Variants in ANKRD30A observed in about 807,000 individuals in gnomAD.
ANKRD30A encodes ankyrin repeat domain-containing protein 30A.
A neutral mutation model predicts 166.3 loss-of-function variants in ANKRD30A; 170 were observed. The ratio of observed to expected loss-of-function variants is 1.02; its 90% CI spans 0.90 to 1.16. The LOEUF is 1.16. Ranked by LOEUF, ANKRD30A falls within the 50% of genes most tolerant of loss-of-function variation. The pLI is 0.00. For missense variants in ANKRD30A, 1,630 were observed against 1,518.0 expected (o/e 1.07, Z -1.23); for synonymous variants, 564 against 508.9 (o/e 1.11, Z -1.46).
chr10:37,153,571 G>C lies in ANKRD30A; in HGVS notation c.1708-1G>C. 6.2e-7 allele frequency: 1 copy of C among 1,611,590 alleles called. No individual in the cohort carries two copies. The highest frequency in any genetic ancestry group is 1.1e-5 in the South Asian group (1 of 90,728). ...TTATTTATTGCTATTACTTTTAACA[G>C]AGTCTCTGTGAGACTGTTTCACAGA... On this transcript the variant is annotated splice_acceptor_variant, in intron 12 of 35. Transcript: ENST00000361713. LOFTEE classifies it high-confidence loss of function.
chr10:37,131,657 A>G (rs1483622466), intron 3 of ANKRD30A, among the ~76,000 whole-genome samples: 3 of 152,206 alleles, frequency 2.0e-5, no homozygotes, highest in Admixed American at 1.3e-4. Flanking sequence ...GGAAGCTTTC[A>G]GAGTTGTATC....
At chr10:37,221,044 A>ATT (rs35150938) in intron 34 of ANKRD30A, among the ~76,000 whole-genome samples, 9,575 of 130,944 alleles carry the variant, frequency 0.073, 515 homozygotes, top group Non-Finnish European at 0.11. Context: ...TCCTTCCCAC[A>ATT]TTTTTTTTTT....
intron 24 of ANKRD30A, among the ~76,000 whole-genome samples, chr10:37,178,157 G>A (rs1375540730): frequency 4.6e-5 from 7 of 151,254 alleles, no homozygotes; most frequent in Non-Finnish European, 1.0e-4. Flanking sequence ...TTAGAAATTT[G>A]GGAAGAATAT....
intron 15 of ANKRD30A, among the ~76,000 whole-genome samples, chr10:37,160,556 T>C (rs1256972410): frequency 2.6e-5 from 4 of 152,208 alleles, no homozygotes; most frequent in Non-Finnish European, 5.9e-5. Context: ...AATGGGCTCT[T>C]GTATATGAAA....
At chr10:37,143,032 C>T (rs1837261080) in intron 7 of ANKRD30A, among the ~76,000 whole-genome samples, 1 of 152,184 alleles carries the variant, frequency 6.6e-6, no homozygotes, top group Non-Finnish European at 1.5e-5. Flanking sequence ...CTTCCTGTAA[C>T]ATTTTATTGG....
chr10:37,134,157 C>G, intron 5 of ANKRD30A, 104 bp downstream of exon 5: 1 of 1,353,434 alleles, frequency 7.4e-7, no homozygotes, highest in South Asian at 1.3e-5. Context: ...AGGCAAAAAG[C>G]TAGACTAGTT....
At chr10:37,246,941 C>T in the ANKRD30A span, among the ~76,000 whole-genome samples, 2 of 152,100 alleles carry the variant, frequency 1.3e-5, no homozygotes, top group Admixed American at 1.3e-4. Context: ...TGCCCAGAGC[C>T]CAGGCACAGT....
At chr10:37,217,649 T>C (rs777868639) in intron 32 of ANKRD30A, 46 bp from the exon 33 acceptor site, 1 of 1,414,872 alleles carries the variant, frequency 7.1e-7, no homozygotes, top group African/African-American at 1.5e-5. Context: ...AAATGAATTC[T>C]ATTTTCTAAC....
chr10:37,205,643 A>G (rs143524503), intron 31 of ANKRD30A, among the ~76,000 whole-genome samples: 221 of 152,316 alleles, frequency 1.5e-3, no homozygotes, highest in African/African-American at 5.0e-3. Flanking sequence ...CTTGTGGAAG[A>G]CATTGGAGAT....
chr10:37,243,440 G>A, the ANKRD30A span, among the ~76,000 whole-genome samples: 1 of 151,740 alleles, frequency 6.6e-6, no homozygotes, highest in Admixed American at 6.6e-5. Flanking sequence ...TACCGTGCCC[G>A]GCGTCCAAAT....
intron 19 of ANKRD30A, among the ~76,000 whole-genome samples, chr10:37,167,813 C>CTGATGAGA: frequency 6.7e-6 from 1 of 148,170 alleles, no homozygotes; most frequent in East Asian, 2.0e-4. Context: ...AACACTTTTT[C>CTGATGAGA]TGATGAGATG....
chr10:37,199,383 A>T (rs1297478926), intron 29 of ANKRD30A, among the ~76,000 whole-genome samples: 1 of 152,094 alleles, frequency 6.6e-6, no homozygotes, highest in Admixed American at 6.6e-5. Flanking sequence ...CAAAGAAATG[A>T]GAGATGGTAG....
intron 6 of ANKRD30A, 85 bp from the exon 7 acceptor site, chr10:37,141,633 A>G: frequency 6.5e-7 from 1 of 1,550,108 alleles, no homozygotes; most frequent in South Asian, 1.2e-5. Flanking sequence ...GAAAGCATAC[A>G]GAATGAGTAG....
chr10:37,225,157 CTA>C (rs1843090237), intron 34 of ANKRD30A, among the ~76,000 whole-genome samples: 1 of 150,860 alleles, frequency 6.6e-6, no homozygotes, highest in Non-Finnish European at 1.5e-5. Flanking sequence ...TATATAAAAA[CTA>C]TATATATGGT....
the ANKRD30A span, among the ~76,000 whole-genome samples, chr10:37,254,213 A>G: frequency 6.6e-6 from 1 of 152,076 alleles, no homozygotes; most frequent in African/African-American, 2.4e-5. Context: ...CATAAATTTC[A>G]TTTCTCTTGT....
At chr10:37,199,371 T>A (rs1841433367) in intron 29 of ANKRD30A, among the ~76,000 whole-genome samples, 2 of 152,142 alleles carry the variant, frequency 1.3e-5, no homozygotes, top group African/African-American at 4.8e-5. Context: ...AATAAAAATT[T>A]ACAAAGAAAT....
chr10:37,152,765 C>T (rs78128395), intron 12 of ANKRD30A, among the ~76,000 whole-genome samples: 2 of 151,962 alleles, frequency 1.3e-5, no homozygotes, highest in Non-Finnish European at 2.9e-5. Flanking sequence ...GCAGCATGAG[C>T]GTCAAATAAT....
intron 31 of ANKRD30A, among the ~76,000 whole-genome samples, chr10:37,209,420 A>T (rs1263252463): frequency 6.6e-6 from 1 of 152,114 alleles, no homozygotes; most frequent in African/African-American, 2.4e-5. Context: ...CCAGAGCAGG[A>T]GCAAGAGAGA....
chr10:37,159,246 G>T (rs184410845), intron 15 of ANKRD30A, among the ~76,000 whole-genome samples: 2 of 152,242 alleles, frequency 1.3e-5, no homozygotes, highest in East Asian at 3.9e-4. Context: ...GCTGTGCATG[G>T]TGACACGTGC....
Sources: gnomAD v4.1 joint callset for allele counts (sites outside exome capture counted in the v4.1 genomes callset) on GRCh38, gnomAD v4.1.1 for gene constraint, MANE v1.5 for transcripts, NCBI Gene and HGNC (gene_info 2026-07-23, HGNC 2026-07-21) for gene names.